Variants in ANKS1B observed in about 807,000 individuals in gnomAD.
ANKS1B encodes the protein ankyrin repeat and sterile alpha motif domain-containing protein 1B.
Under a neutral mutation model 148.3 loss-of-function variants are expected in ANKS1B, and 36 were observed. That is an observed-to-expected ratio of 0.24 (90% CI 0.19 to 0.32). The LOEUF (loss-of-function observed/expected upper bound fraction) is 0.32. Among genes scored for constraint, ANKS1B ranks in the 10% least tolerant of loss-of-function variants. ANKS1B has a pLI of 1.00. For synonymous variants in ANKS1B, 542 were observed against 560.8 expected, an observed-to-expected ratio of 0.97 and a Z score of 0.47; for missense variants, 1,157 against 1,542.6, an observed-to-expected ratio of 0.75 and a Z score of 4.19.
chr12:99,416,845 T>TA (rs1294024437), intron 11 of ANKS1B, among the ~76,000 whole-genome samples: 1 of 150,980 alleles, frequency 6.6e-6, no homozygotes, highest in East Asian at 1.9e-4. Flanking sequence ...TTTTTAACTT[T>TA]AATGAAGTAC....
chr12:99,654,192 C>A (rs2098439130), intron 9 of ANKS1B, among the ~76,000 whole-genome samples: 1 of 152,072 alleles, frequency 6.6e-6, no homozygotes, highest in Non-Finnish European at 1.5e-5. Context: ...ATTTGAGGGG[C>A]TATGATCAAA....
At chr12:98,757,667 T>C (rs2098282919) in intron 25 of ANKS1B, among the ~76,000 whole-genome samples, 1 of 152,218 alleles carries the variant, frequency 6.6e-6, no homozygotes, top group African/African-American at 2.4e-5. Context: ...AGCAAAATCA[T>C]GCTCTCATCT....
At position 99,660,535 on chromosome 12, in the gene ANKS1B, A is replaced by AT. The variant is rs571389141; in HGVS notation, c.1129-5326dup. 4.1e-3 allele frequency among the ~76,000 whole-genome samples: 624 copies of AT among 150,898 alleles called. 5 individuals are homozygous for AT. The highest frequency in any genetic ancestry group is 6.8e-3 in the Admixed American group (102 of 15,056). On this transcript the variant is annotated intron_variant, in intron 8 of 26. Transcript: ENST00000683438. ...CCCACCATCACACCTAATTTTTTGT[A>AT]TTTTTTTAGTAGAGATGGGGTTTCA...
intron 15 of ANKS1B, among the ~76,000 whole-genome samples, chr12:99,121,318 G>GGTGTGTGTGTGTGT (rs1555269938): frequency 2.8e-5 from 3 of 105,924 alleles, no homozygotes; most frequent in African/African-American, 1.4e-4. Flanking sequence ...TGTGTATGTA[G>GGTGTGTGTGTGTGT]GTATGTGTGT....
At chr12:99,387,310 G>A (rs1009030915) in intron 12 of ANKS1B, among the ~76,000 whole-genome samples, 3 of 152,184 alleles carry the variant, frequency 2.0e-5, no homozygotes, top group African/African-American at 7.2e-5. Flanking sequence ...TCATGAAGGC[G>A]ATTAGTGCCC....
At chr12:99,615,285 G>A (rs527483840) in intron 9 of ANKS1B, among the ~76,000 whole-genome samples, 1 of 150,476 alleles carries the variant, frequency 6.6e-6, no homozygotes, top group African/African-American at 2.5e-5. Flanking sequence ...AATATGACTT[G>A]TTGTCCTTTC....
At chr12:99,759,725 T>C (rs2061905859) in intron 8 of ANKS1B, among the ~76,000 whole-genome samples, 1 of 151,904 alleles carries the variant, frequency 6.6e-6, no homozygotes, top group South Asian at 2.1e-4. Flanking sequence ...ACAAATTAGG[T>C]ACACTATGAC....
downstream of ANKS1B, among the ~76,000 whole-genome samples, chr12:98,742,981 A>T (rs1344669148): frequency 6.6e-6 from 1 of 152,250 alleles, no homozygotes; most frequent in East Asian, 1.9e-4. Context: ...AGCCTATCTA[A>T]AAAGAGAACT....
chr12:99,984,041 G>T, intron 1 of ANKS1B, 63 bp downstream of exon 1: 3 of 1,401,832 alleles, frequency 2.1e-6, no homozygotes, highest in Non-Finnish European at 2.9e-6. Context: ...TGAGGAGGAG[G>T]ACGTATATCC....
At chr12:99,461,748 G>C (rs1595240781) in intron 10 of ANKS1B, among the ~76,000 whole-genome samples, 1 of 152,076 alleles carries the variant, frequency 6.6e-6, no homozygotes, top group East Asian at 1.9e-4. Flanking sequence ...TCAATCTCTT[G>C]AGCCTGAGTG....
At chr12:98,907,005 CTGTGTG>C (rs59857138) in intron 17 of ANKS1B, among the ~76,000 whole-genome samples, 12,593 of 145,578 alleles carry the variant, frequency 0.087, 755 homozygotes, top group African/African-American at 0.18. Flanking sequence ...CATAGTTACT[CTGTGTG>C]TGTGTGTGTG....
rs570782695 is a variant in ANKS1B, at chr12:99,315,326, G to A, written c.1757-68462C>T. On this transcript the variant is annotated intron_variant, in intron 12 of 26. Transcript: ENST00000683438. ...TTTTACAATCTACCTATCTAACAAA[G>A]GTCTAATATGCAAAAGTTAAAGGAA... Among the ~76,000 whole-genome samples, 41 of 150,178 alleles carry A rather than the reference G, an allele frequency of 2.7e-4. 1 individual carries two copies. In the South Asian group the frequency reaches 8.6e-3, roughly 32 times the overall value.
At chr12:99,004,436 G>T (rs1014346318) in intron 17 of ANKS1B, among the ~76,000 whole-genome samples, 1 of 152,248 alleles carries the variant, frequency 6.6e-6, no homozygotes, top group Non-Finnish European at 1.5e-5. Context: ...ACTAGATAGG[G>T]ATAAATTACT....
chr12:99,682,411 T>C (rs1567633910), intron 8 of ANKS1B, among the ~76,000 whole-genome samples: 2 of 152,116 alleles, frequency 1.3e-5, no homozygotes, highest in Non-Finnish European at 2.9e-5. Context: ...TTATATCAAG[T>C]GCTCTCTCAT....
chr12:98,878,023 G>T (rs958551077), intron 17 of ANKS1B, among the ~76,000 whole-genome samples: 1 of 151,936 alleles, frequency 6.6e-6, no homozygotes, highest in Non-Finnish European at 1.5e-5. Context: ...TTTCTTCTTC[G>T]AAATGGTTTG....
intron 17 of ANKS1B, among the ~76,000 whole-genome samples, chr12:99,010,061 G>C (rs547492886): frequency 3.7e-4 from 56 of 152,264 alleles, no homozygotes; most frequent in Admixed American, 3.9e-4. Flanking sequence ...TCTCAAAAGT[G>C]ATCTTTGCCT....
intron 17 of ANKS1B, among the ~76,000 whole-genome samples, chr12:99,034,956 C>A (rs1413942905): frequency 1.3e-5 from 2 of 152,142 alleles, no homozygotes; most frequent in African/African-American, 4.8e-5. Context: ...GATACCACCT[C>A]AGTTTGGGCG....
At chr12:99,293,817 G>A (rs1351249105) in intron 12 of ANKS1B, among the ~76,000 whole-genome samples, 1 of 152,124 alleles carries the variant, frequency 6.6e-6, no homozygotes, top group Admixed American at 6.5e-5. Flanking sequence ...GAGCTCAAAC[G>A]ACTCTATAGG....
intron 8 of ANKS1B, among the ~76,000 whole-genome samples, chr12:99,716,904 C>T (rs973350344): frequency 2.6e-5 from 4 of 152,084 alleles, no homozygotes; most frequent in Admixed American, 2.6e-4. Flanking sequence ...CCCTATAATC[C>T]TTTTATCACC....
Sources: allele counts gnomAD v4.1 joint callset (sites outside exome capture counted in the v4.1 genomes callset), GRCh38; gene constraint gnomAD v4.1.1; transcripts MANE v1.5; gene names NCBI Gene and HGNC (gene_info 2026-07-23, HGNC 2026-07-21).